ARFGEF1: variants seen among roughly 807,000 people sequenced by gnomAD.
ARFGEF1 encodes brefeldin A-inhibited guanine nucleotide-exchange protein 1.
Under a neutral mutation model 231.0 loss-of-function variants are expected in ARFGEF1, and 42 were observed. The ratio of observed to expected loss-of-function variants is 0.18; its 90% CI spans 0.14 to 0.24. ARFGEF1 has a LOEUF of 0.24. ARFGEF1 is among the 10% of genes least tolerant of loss of function. The pLI, the probability that ARFGEF1 is intolerant of heterozygous loss-of-function variation, is 1.00. For missense variants in ARFGEF1, 1,345 were observed against 2,192.0 expected, an observed-to-expected ratio of 0.61 and a Z score of 7.72; for synonymous variants, 710 against 732.3, an observed-to-expected ratio of 0.97 and a Z score of 0.49.
At chr8:67,244,693 C>A (rs552784248) in intron 19 of ARFGEF1, among the ~76,000 whole-genome samples, 1 of 149,296 alleles carries the variant, frequency 6.7e-6, no homozygotes, top group South Asian at 2.1e-4. Flanking sequence ...TCAGAGGAGA[C>A]AAAAGAAAAA....
intron 14 of ARFGEF1, among the ~76,000 whole-genome samples, chr8:67,264,335 A>T (rs1804760978): frequency 1.3e-5 from 2 of 152,168 alleles, no homozygotes; most frequent in South Asian, 4.1e-4. Context: ...AGTATAATCA[A>T]CAAGTCTTAG....
chr8:67,310,221 C>A (rs1341163917), intron 1 of ARFGEF1, among the ~76,000 whole-genome samples: 1 of 152,128 alleles, frequency 6.6e-6, no homozygotes, highest in Non-Finnish European at 1.5e-5. Flanking sequence ...GATTCTCCTG[C>A]CTCAGCCTGC....
chr8:67,300,864 A>G (rs1178273071), intron 3 of ARFGEF1, among the ~76,000 whole-genome samples: 1 of 151,810 alleles, frequency 6.6e-6, no homozygotes. Context: ...AAAAAAAAAA[A>G]ACAGCAGACA....
At chr8:67,322,188 C>T (rs1311555141) in intron 1 of ARFGEF1, among the ~76,000 whole-genome samples, 1 of 152,166 alleles carries the variant, frequency 6.6e-6, no homozygotes, top group African/African-American at 2.4e-5. Flanking sequence ...AGTGGTTTTC[C>T]AACCATCCTT....
intron 5 of ARFGEF1, among the ~76,000 whole-genome samples, chr8:67,293,215 C>T (rs1202126460): frequency 2.6e-5 from 4 of 151,650 alleles, no homozygotes; most frequent in African/African-American, 9.8e-5. Context: ...CTTTGTAACA[C>T]AATACATGTT....
At chr8:67,187,123 T>C (rs1834890214) in intron 5 of ARFGEF1, among the ~76,000 whole-genome samples, 1 of 152,212 alleles carries the variant, frequency 6.6e-6, no homozygotes, top group Non-Finnish European at 1.5e-5. Context: ...TGACTCAGTA[T>C]TGTCAAGATG....
At chr8:67,202,150 C>A (rs1181789188) in intron 36 of ARFGEF1, among the ~76,000 whole-genome samples, 1 of 152,172 alleles carries the variant, frequency 6.6e-6, no homozygotes, top group African/African-American at 2.4e-5. Flanking sequence ...AGCACCAAAC[C>A]CTTTTGATAC....
intron 1 of ARFGEF1, among the ~76,000 whole-genome samples, chr8:67,337,262 A>G (rs1808393615): frequency 6.6e-6 from 1 of 152,132 alleles, no homozygotes; most frequent in African/African-American, 2.4e-5. Context: ...AAAAGGCAGG[A>G]TGAAAATGTT....
At chr8:67,199,675 C>CA (rs1305058110) in intron 38 of ARFGEF1, 2,293 of 139,084 alleles carry the variant, frequency 0.016, 55 homozygotes, top group African/African-American at 0.054. Context: ...ATATTATGAC[C>CA]AAAAAAAAAA....
At chr8:67,253,678 AT>A in intron 17 of ARFGEF1, 56 bp from the exon 18 acceptor site, 1 of 956,558 alleles carries the variant, frequency 1.0e-6, no homozygotes, top group Non-Finnish European at 1.4e-6. Context: ...TTACACTTGT[AT>A]TTTAAGGATA....
chr8:67,175,490 G>C, exon 6 of ARFGEF1: 1 of 1,597,722 alleles, frequency 6.3e-7, no homozygotes, highest in Non-Finnish European at 8.6e-7. Flanking sequence ...TTTTTCCGTA[G>C]GCTTTCTGCA....
intron 5 of ARFGEF1, among the ~76,000 whole-genome samples, chr8:67,185,750 G>T (rs560422129): frequency 6.6e-6 from 1 of 152,136 alleles, no homozygotes; most frequent in African/African-American, 2.4e-5. Context: ...AGATGATGAT[G>T]ATGAGTTTGA....
Position 67,266,951 on chromosome 8 carries a change from A to T in ARFGEF1, c.1846T>A (p.Leu616Ile). 1 of 1,613,612 alleles carries T rather than the reference A, an allele frequency of 6.2e-7. No individual in the cohort carries two copies. ...LSLRKKGLEC[L>I]VSILKCMVEW... ...ACCATACACTTCAAAATCGACACTA[A>T]GCATTCTAAACCTTTTTTCCTCAGG... The change falls in exon 13 of 39, where the codon TTA becomes ATA. Residue 616 changes from leucine to isoleucine, a missense_variant. Physicochemically the swap from Leu to Ile is conservative, Grantham distance 5. Around this residue, in one of 14 missense-constraint regions of ARFGEF1, gnomAD observed 141 missense variants for 259.9 expected, o/e 0.54. Transcript: ENST00000262215.
In ARFGEF1 at chr8:67,336,282, C is replaced by G. The variant is rs78874778; in HGVS notation, c.124+6882G>C. 5.8e-3 allele frequency among the ~76,000 whole-genome samples: 883 copies of G among 152,234 alleles called. 11 individuals carry two copies. Among genetic ancestry groups the G allele is most frequent in the African/African-American group, 0.02 (844 of 41,536 alleles). ...CTGCTTTCTAGATTCATGAAACAAT[C>G]AGAGATGAGCCAAAGACAGGATCTG... is the stretch of plus-strand genomic sequence containing the variant. On this transcript the variant is annotated intron_variant, in intron 1 of 38. Transcript: ENST00000262215.
At chr8:67,234,207 G>A (rs1587098613) in intron 22 of ARFGEF1, among the ~76,000 whole-genome samples, 1 of 152,096 alleles carries the variant, frequency 6.6e-6, no homozygotes, top group African/African-American at 2.4e-5. Context: ...TCTAGGAACT[G>A]AATGATGTGA....
At position 67,182,518 on chromosome 8, in the gene ARFGEF1, A is replaced by G. The variant is rs559375152; in HGVS notation, c.561-6946T>C. Among the ~76,000 whole-genome samples, 72 of 152,352 alleles carry G rather than the reference A, an allele frequency of 4.7e-4. 1 individual carries two copies. Among genetic ancestry groups the G allele is most frequent in the Non-Finnish European group, 9.0e-4 (61 of 68,032 alleles). ...TATACACTAAGAGATAGCATTTGCT[A>G]GATCATATAGTAATTCTATTTTTAA... On this transcript the variant is annotated intron_variant, in intron 5 of 5. Transcript: ENST00000518789.
intron 5 of ARFGEF1, 147 bp from the exon 6 acceptor site, chr8:67,292,270 A>G (rs908423764): frequency 2.8e-6 from 2 of 707,942 alleles, no homozygotes; most frequent in African/African-American, 3.6e-5. Flanking sequence ...AACATAAACT[A>G]TACTAAAAAC....
Position 67,198,667 on chromosome 8 carries a change from C to T in ARFGEF1, c.*267G>A, listed in dbSNP as rs138961233. On this transcript the variant is annotated 3_prime_UTR_variant, in exon 39 of 39. Transcript: ENST00000262215. ...GCCAAAAACGTGGGGCTTTTCCTGC[C>T]GTGGAAGACAGGGAAGGACCCGTGA... 99 of 1,150,368 alleles carry T rather than the reference C, an allele frequency of 8.6e-5. No homozygotes were observed. In the East Asian group the frequency reaches 3.2e-3, roughly 37 times the overall value. 71.3% of individuals were successfully genotyped at this position (1,150,368 alleles called of 1,614,324 possible).
chr8:67,295,346 G>A lies in ARFGEF1; in HGVS notation c.639+1085C>T, dbSNP rs1806185365. On this transcript the variant is annotated intron_variant, in intron 5 of 38. Transcript: ENST00000262215. The stretch of plus-strand genomic sequence containing the variant: ...CAAAAGAAAAACTACTAACTTCATA[G>A]TGGAGGAACCTGACAGATAACTACC... Among the ~76,000 whole-genome samples the A allele has an allele frequency of 2.0e-5, 3 of 152,104 alleles. No individual in the cohort carries two copies. The South Asian group carries it at 6.2e-4, about 31-fold the overall frequency.
Sources: gnomAD v4.1 joint callset for allele counts (sites outside exome capture counted in the v4.1 genomes callset) on GRCh38, gnomAD v4.1.1 for gene constraint, gnomAD v4.1.1 regional missense constraint, MANE v1.5 for transcripts, NCBI Gene and HGNC (gene_info 2026-07-23, HGNC 2026-07-21) for gene names.